Variants in CSF2RB observed in about 807,000 individuals in gnomAD.
The protein encoded by CSF2RB is cytokine receptor common subunit beta.
CSF2RB carries 22 observed loss-of-function variants against 67.2 expected under a neutral mutation model. The observed-to-expected ratio is 0.33, with a 90% CI of 0.23 to 0.47. CSF2RB has a LOEUF of 0.47. CSF2RB is among the 20% of genes least tolerant of loss of function. The pLI is 1.00. For synonymous variants in CSF2RB, 507 were observed against 482.9 expected, an observed-to-expected ratio of 1.05 and a Z score of -0.65; for missense variants, 1,113 against 1,174.5, an observed-to-expected ratio of 0.95 and a Z score of 0.76.
intron 1 of CSF2RB, among the ~76,000 whole-genome samples, chr22:36,917,858 G>T (rs1049807961): frequency 1.3e-5 from 2 of 152,054 alleles, no homozygotes; most frequent in African/African-American, 4.8e-5. Flanking sequence ...CGGAGGCAGA[G>T]ATTGCAGTGA....
chr22:36,938,162 T>TC lies in CSF2RB; in HGVS notation c.2360dup (p.Glu788Ter). On this transcript the variant is annotated frameshift_variant, in exon 14 of 14. Coordinates refer to ENST00000403662, the MANE Select transcript of CSF2RB (RefSeq NM_000395.3). LOFTEE classifies it low-confidence loss of function (END_TRUNC). ...CCCAGGTCACCAAGGAACAATCCTGTCCCCCCTGAGGCCAAAAGCCCTGTC... is the reference window on the plus strand; with the variant it reads ...CCCAGGTCACCAAGGAACAATCCTGTCCCCCCCTGAGGCCAAAAGCCCTGTC... 1 of 1,613,778 alleles carries TC rather than the reference T, an allele frequency of 6.2e-7. No homozygotes were observed. Among genetic ancestry groups the TC allele is most frequent in the Non-Finnish European group, 8.5e-7 (1 of 1,179,928 alleles).
At chr22:36,921,303 A>C (rs1940863091) in intron 1 of CSF2RB, among the ~76,000 whole-genome samples, 1 of 144,500 alleles carries the variant, frequency 6.9e-6, no homozygotes, top group African/African-American at 2.6e-5. Context: ...TATTGTATGT[A>C]TCTGTGTGTG....
Position 36,933,966 on chromosome 22 carries a change from T to G in CSF2RB, c.1287T>G (p.Ser429Arg), listed in dbSNP as rs753637223. 1.2e-6 allele frequency: 2 copies of G among 1,612,362 alleles called. No homozygotes were observed. The highest frequency in any genetic ancestry group is 1.7e-6 in the Non-Finnish European group (2 of 1,179,870). The change falls in exon 10 of 14, where the codon AGT becomes AGG. Residue 429 changes from serine to arginine, a missense_variant. Transcript: ENST00000403662. ...TGYNGIWSEW[S>R]EARSWDTESV... is the part of the protein sequence containing the mutation. ...ACAACGGGATCTGGAGCGAGTGGAG[T>G]GAGGCGCGCTCCTGGGACACCGAGT...
chr22:36,938,003 C>T lies in CSF2RB; in HGVS notation c.2195C>T (p.Pro732Leu), dbSNP rs373628381. ...GGGGCCTCGTCTGTCTCCCTAGTTC[C>T]CTCTCTGGGCCTCCCCTCAGACCAG... ...NSGASSVSLV[P>L]SLGLPSDQTP... The change falls in exon 14 of 14, where the codon CCC (proline) becomes CTC (leucine). Residue 732 changes from proline (P) to leucine (L), a missense_variant. By Grantham distance (98) the Pro-to-Leu change is moderately conservative (BLOSUM62 -3). Transcript: ENST00000403662. The T allele has an allele frequency of 6.8e-6, 11 of 1,614,042 alleles. No homozygotes were observed. In the African/African-American group the frequency reaches 1.1e-4, roughly 16 times the overall value.
At chr22:36,915,422 T>A (rs199565625) in intron 1 of CSF2RB, among the ~76,000 whole-genome samples, 9 of 146,406 alleles carry the variant, frequency 6.1e-5, no homozygotes, top group Middle Eastern at 3.5e-3. Flanking sequence ...ATTATTTTAT[T>A]TATATATATA....
rs192760202 is a variant in CSF2RB, at chr22:36,923,251, C to T, written c.84C>T (p.Ile28=). 4.5e-4 allele frequency: 727 copies of T among 1,614,194 alleles called. 9 individuals are homozygous for T. The East Asian group carries it at 0.011, about 25-fold the overall frequency. The change falls in exon 3 of 14, where the codon ATC becomes ATT. Residue 28 remains isoleucine (I), a synonymous_variant. Transcript: ENST00000403662. ...ERSLAGAEET[I]PLQTLRCYND... ...TTCTACCCCTCTTGTCAGAAACCAT[C>T]CCGCTGCAGACCCTGCGCTGCTACA...
chr22:36,922,358 T>C, intron 2 of CSF2RB, 75 bp downstream of exon 2: 1 of 1,372,864 alleles, frequency 7.3e-7, no homozygotes, highest in Non-Finnish European at 1.0e-6. Flanking sequence ...CCGCAGCGTA[T>C]CCTCAGGATC....
rs757245806 is a variant in CSF2RB at position 36,938,520 on chromosome 22, A to T, written c.*18A>T. The stretch of plus-strand genomic sequence containing the variant: ...TGTGTTGAGACCCCCAGGCCTAGAC[A>T]GGCAAGGGGATGGAGAGGGCTTGCC... On this transcript the variant is annotated 3_prime_UTR_variant, in exon 14 of 14. Coordinates refer to ENST00000403662, the MANE Select transcript of CSF2RB (RefSeq NM_000395.3). The T allele has an allele frequency of 1.3e-6, 2 of 1,598,738 alleles. No homozygotes were observed. Among genetic ancestry groups the T allele is most frequent in the Non-Finnish European group, 1.7e-6 (2 of 1,171,144 alleles).
rs931730160 is a variant in CSF2RB at position 36,939,094 on chromosome 22, C to T, written c.*592C>T. 1.4e-5 allele frequency: 10 copies of T among 701,288 alleles called. No homozygotes were observed. The highest frequency in any genetic ancestry group is 4.6e-4 in the Middle Eastern group (2 of 4,320). The allele number at this position is 701,288 out of a possible 1,614,324, so 43.4% of individuals were successfully genotyped here. On this transcript the variant is annotated 3_prime_UTR_variant, in exon 14 of 14. Coordinates refer to ENST00000403662, the MANE Select transcript of CSF2RB (RefSeq NM_000395.3). ...AGGCTCAGGGAATTCAGACTAGCCT[C>T]GATTGTCACTCCGAGAAATGGGCAT... is the stretch of plus-strand genomic sequence containing the variant.
In CSF2RB at chr22:36,933,994, G is replaced by T; in HGVS notation, c.1315G>T (p.Val439Leu). ...SEARSWDTES[V>L]LPMWVLALIV... The stretch of plus-strand genomic sequence containing the variant: ...GGCGCGCTCCTGGGACACCGAGTCG[G>T]GTAGGTGAAGGCTGGAGTCCAGAGC... Residue 439 changes from valine (V) to leucine (L), a missense_variant and splice_region_variant, in exon 10 of 14, where the codon GTG (valine) becomes TTG (leucine). Val to Leu is a conservative substitution (Grantham distance 32). Transcript: ENST00000403662. 1 of 1,612,108 alleles carries T rather than the reference G, an allele frequency of 6.2e-7. No individual in the cohort carries two copies. The highest frequency in any genetic ancestry group is 8.5e-7 in the Non-Finnish European group (1 of 1,179,972).
chr22:36,935,705 G>A lies in CSF2RB; in HGVS notation c.1464+18G>A. The A allele has an allele frequency of 6.2e-7, 1 of 1,609,258 alleles. No individual in the cohort carries two copies. Among genetic ancestry groups the A allele is most frequent in the Non-Finnish European group, 8.5e-7 (1 of 1,178,002 alleles). On this transcript the variant is annotated intron_variant, in intron 12 of 13. Transcript: ENST00000403662. Reference sequence around the variant, plus strand: ...TGTTCCAGGTAGGAACTGGCTGCGAGGGGCGGAGTGGGGGCTTCTCTGTTC... The same window carrying A: ...TGTTCCAGGTAGGAACTGGCTGCGAAGGGCGGAGTGGGGGCTTCTCTGTTC...
Position 36,938,468 on chromosome 22 carries a change from C to T in CSF2RB, c.2660C>T (p.Pro887Leu). 1.2e-6 allele frequency: 2 copies of T among 1,613,934 alleles called. No individual in the cohort carries two copies. Among genetic ancestry groups the T allele is most frequent in the South Asian group, 2.2e-5 (2 of 91,084 alleles). ...LKQQDYLSLP[P>L]WEVNKPGEVC The stretch of plus-strand genomic sequence containing the variant: ...CAGCAGGACTACCTGTCTCTGCCCC[C>T]TTGGGAGGTCAACAAGCCTGGGGAG... The change falls in exon 14 of 14, where the codon CCT (proline) becomes CTT (leucine). Residue 887 changes from proline (P) to leucine (L), a missense_variant. Transcript: ENST00000403662.
In CSF2RB at chr22:36,933,863, A is replaced by G; in HGVS notation, c.1184A>G (p.His395Arg). The change falls in exon 10 of 14, where the codon CAC becomes CGC. Residue 395 changes from histidine to arginine, a missense_variant. By Grantham distance (29) the His-to-Arg change is conservative. Transcript: ENST00000403662. ...DSKTETLQNA[H>R]SMALPALEPS... The stretch of plus-strand genomic sequence containing the variant: ...AAGACCGAGACCCTCCAGAACGCCC[A>G]CAGCATGGCCCTGCCAGCCCTGGAG... 3 of 1,610,418 alleles carry G rather than the reference A, an allele frequency of 1.9e-6. No homozygotes were observed. The highest frequency in any genetic ancestry group is 2.5e-6 in the Non-Finnish European group (3 of 1,179,872).
At chr22:36,923,768 A>T in intron 3 of CSF2RB, 17 of 1,294,652 alleles carry the variant, frequency 1.3e-5, no homozygotes, top group Non-Finnish European at 1.6e-5. Flanking sequence ...GACCAAGGAG[A>T]GATGGCGCTA....
In CSF2RB at chr22:36,922,287, A is replaced by G. The variant is rs1940894011; in HGVS notation, c.76+4A>G. On this transcript the variant is annotated splice_donor_region_variant and intron_variant, in intron 2 of 13. Transcript: ENST00000403662. Reference sequence around the variant, plus strand: ...CGCAGCCTGGCAGGGGCAGAAGGTGAGTCCCGTGGCTCCCACCCACTTCCC... The same window carrying G: ...CGCAGCCTGGCAGGGGCAGAAGGTGGGTCCCGTGGCTCCCACCCACTTCCC... 9 of 1,570,790 alleles carry G rather than the reference A, an allele frequency of 5.7e-6. No homozygotes were observed. Among genetic ancestry groups the G allele is most frequent in the Non-Finnish European group, 6.0e-6 (7 of 1,158,094 alleles).
chr22:36,921,230 G>A (rs1940859473), intron 1 of CSF2RB, among the ~76,000 whole-genome samples: 1 of 151,550 alleles, frequency 6.6e-6, no homozygotes, highest in Admixed American at 6.6e-5. Flanking sequence ...GTGTATGTGT[G>A]TCTGTGTCTC....
rs1277937974 is a variant in CSF2RB at position 36,933,903 on chromosome 22, C to T, written c.1224C>T (p.Tyr408=). ...ALPALEPSTR[Y]WARVRVRTSR... Reference sequence around the variant, plus strand: ...CAGCCCTGGAGCCCTCCACCAGGTACTGGGCCAGGGTGAGGGTCAGGACCT... The same window carrying T: ...CAGCCCTGGAGCCCTCCACCAGGTATTGGGCCAGGGTGAGGGTCAGGACCT... Residue 408 remains tyrosine (Y), a synonymous_variant, in exon 10 of 14, where the codon TAC becomes TAT. Coordinates refer to ENST00000403662, the MANE Select transcript of CSF2RB (RefSeq NM_000395.3). 4 of 1,612,054 alleles carry T rather than the reference C, an allele frequency of 2.5e-6. No individual in the cohort carries two copies. The South Asian group carries it at 4.4e-5, about 18-fold the overall frequency.
At position 36,933,956 on chromosome 22, in the gene CSF2RB, G is replaced by A; in HGVS notation, c.1277G>A (p.Ser426Asn). 1 of 1,612,976 alleles carries A rather than the reference G, an allele frequency of 6.2e-7. No individual in the cohort carries two copies. Among genetic ancestry groups the A allele is most frequent in the Non-Finnish European group, 8.5e-7 (1 of 1,179,972 alleles). The change falls in exon 10 of 14, where the codon AGC becomes AAC. Residue 426 changes from serine (S) to asparagine (N), a missense_variant. By Grantham distance (46) the Ser-to-Asn change is conservative (BLOSUM62 1). Transcript: ENST00000403662. ...CGCACCGGCTACAACGGGATCTGGA[G>A]CGAGTGGAGTGAGGCGCGCTCCTGG... ...TSRTGYNGIW[S>N]EWSEARSWDT...
intron 8 of CSF2RB, 53 bp downstream of exon 8, chr22:36,930,883 A>C: frequency 6.2e-7 from 1 of 1,601,352 alleles, no homozygotes. Context: ...GCACACCCTC[A>C]TTGTGTAACC....
Sources: gnomAD v4.1 joint callset for allele counts (sites outside exome capture counted in the v4.1 genomes callset) on GRCh38, gnomAD v4.1.1 for gene constraint, MANE v1.5 for transcripts, NCBI Gene and HGNC (gene_info 2026-07-23, HGNC 2026-07-21) for gene names.